NAALADL2: variants seen among roughly 807,000 people sequenced by gnomAD.
NAALADL2 encodes inactive N-acetylated-alpha-linked acidic dipeptidase-like protein 2.
In NAALADL2, 76 loss-of-function variants were observed where a neutral mutation model predicts 87.2. The ratio of observed to expected loss-of-function variants is 0.87; its 90% confidence interval spans 0.72 to 1.05. The LOEUF (loss-of-function observed/expected upper bound fraction) is 1.05. NAALADL2 is among the 50% of genes least tolerant of loss of function. NAALADL2 has a pLI of 0.00. For missense variants in NAALADL2, 1,089 were observed against 945.8 expected, an observed-to-expected ratio of 1.15 and a Z score of -1.99; for synonymous variants, 354 against 331.0, an observed-to-expected ratio of 1.07 and a Z score of -0.75.
At chr3:174,953,738 TTC>T (rs1201539502) in intron 1 of NAALADL2, among the ~76,000 whole-genome samples, 1 of 151,992 alleles carries the variant, frequency 6.6e-6, no homozygotes, top group African/African-American at 2.4e-5. Flanking sequence ...TTGCAAGCTT[TTC>T]CCCGGAGCAG....
At chr3:174,858,312 C>T (rs150295035), upstream of NAALADL2, among the ~76,000 whole-genome samples, 436 of 151,644 alleles carry the variant, frequency 2.9e-3, 3 homozygotes, top group African/African-American at 9.7e-3. Context: ...ATTCTAGGTG[C>T]CTTATGGGGG....
chr3:175,224,213 C>T (rs575648647), intron 2 of NAALADL2, among the ~76,000 whole-genome samples: 8 of 152,054 alleles, frequency 5.3e-5, no homozygotes, highest in East Asian at 3.9e-4. Context: ...GCTTGCTGCC[C>T]GGAGGATATT....
chr3:174,482,105 A>G lies in NAALADL2; in HGVS notation c.-184+41073A>G, dbSNP rs149885064. ...TATCAGTCTCATACCTGCTATATTA[A>G]CTCTTTTCTGTCCAACACCTAATGC... On this transcript the variant is annotated intron_variant, in intron 1 of 3. Coordinates refer to the NAALADL2 transcript ENST00000434257. Among the ~76,000 whole-genome samples the G allele has an allele frequency of 1.4e-3, 215 of 151,910 alleles. 5 individuals are homozygous for G. Among genetic ancestry groups the G allele is most frequent in the East Asian group, 2.1e-3 (11 of 5,146 alleles).
intron 2 of NAALADL2, among the ~76,000 whole-genome samples, chr3:174,634,482 G>A (rs1722439799): frequency 6.6e-6 from 1 of 151,932 alleles, no homozygotes; most frequent in Admixed American, 6.6e-5. Flanking sequence ...CAGTTGAACA[G>A]TTGCATTTGA....
At chr3:175,569,680 G>A (rs1717735804) in intron 9 of NAALADL2, among the ~76,000 whole-genome samples, 1 of 152,022 alleles carries the variant, frequency 6.6e-6, no homozygotes, top group Non-Finnish European at 1.5e-5. Flanking sequence ...ACTGGCATCT[G>A]CAAACCAGGA....
intron 1 of NAALADL2, among the ~76,000 whole-genome samples, chr3:174,907,757 T>G (rs1486976141): frequency 6.6e-6 from 1 of 152,038 alleles, no homozygotes; most frequent in Non-Finnish European, 1.5e-5. Context: ...GGATCTATTG[T>G]GTATAGATGG....
At chr3:174,532,408 T>C (rs961155408) in intron 1 of NAALADL2, among the ~76,000 whole-genome samples, 1 of 152,136 alleles carries the variant, frequency 6.6e-6, no homozygotes, top group Admixed American at 6.5e-5. Flanking sequence ...GTCAGTCTTA[T>C]AAATATTTGA....
At chr3:175,619,272 AG>A (rs879607312) in intron 10 of NAALADL2, among the ~76,000 whole-genome samples, 26,949 of 111,384 alleles carry the variant, frequency 0.24, 2,666 homozygotes, top group African/African-American at 0.31. Flanking sequence ...AGGAAGGAGA[AG>A]GAAAGAAAGA....
At chr3:175,789,115 C>T (rs989381455) in intron 13 of NAALADL2, among the ~76,000 whole-genome samples, 1 of 152,146 alleles carries the variant, frequency 6.6e-6, no homozygotes, top group African/African-American at 2.4e-5. Flanking sequence ...TGTTCAATCA[C>T]TCGCATTTAA....
chr3:175,364,650 A>G lies in NAALADL2; in HGVS notation c.1090+40325A>G, dbSNP rs930666470. Reference sequence around the variant, plus strand: ...TTCCCAAAACACATCTACTCCCACCAGTTCCTTCTTGCCTAAATTAATGGA... The same window carrying G: ...TTCCCAAAACACATCTACTCCCACCGGTTCCTTCTTGCCTAAATTAATGGA... On this transcript the variant is annotated intron_variant, in intron 5 of 13. Coordinates refer to ENST00000454872, the MANE Select transcript of NAALADL2 (RefSeq NM_207015.3). 1.4e-5 allele frequency among the ~76,000 whole-genome samples: 2 copies of G among 147,840 alleles called. 1 individual carries two copies. The highest frequency in any genetic ancestry group is 4.9e-5 in the African/African-American group (2 of 40,742).
chr3:175,791,133 A>G (rs964834842), intron 13 of NAALADL2, among the ~76,000 whole-genome samples: 1 of 152,206 alleles, frequency 6.6e-6, no homozygotes, highest in Non-Finnish European at 1.5e-5. Flanking sequence ...AACATTGTAG[A>G]ATACTTGCTA....
chr3:174,550,899 GT>G (rs1433612351), intron 2 of NAALADL2: 1 of 151,894 alleles, frequency 6.6e-6, no homozygotes, highest in African/African-American at 2.4e-5. Flanking sequence ...ACTGCTATAT[GT>G]TCTCTATATT....
At position 175,097,183 on chromosome 3, in the gene NAALADL2, TACATAC is replaced by T. The variant is rs754013049; in HGVS notation, c.439_444del (p.His147_Thr148del). 1.2e-6 allele frequency: 2 copies of T among 1,613,584 alleles called. No individual in the cohort carries two copies. The highest frequency in any genetic ancestry group is 2.7e-5 in the African/African-American group (2 of 74,930). ...TTTGGGATTTTGATAGGTTATTATG[TACATAC>T]AAATTGCCCTTCAGATGCTCCATCT... On this transcript the variant is annotated inframe_deletion, in exon 2 of 14. Coordinates refer to ENST00000454872, the MANE Select transcript of NAALADL2 (RefSeq NM_207015.3).
intron 11 of NAALADL2, among the ~76,000 whole-genome samples, chr3:175,651,649 A>T (rs1163934281): frequency 2.6e-5 from 4 of 152,220 alleles, no homozygotes; most frequent in Non-Finnish European, 5.9e-5. Context: ...ATTTTAAGGT[A>T]TGAAATTATT....
chr3:174,855,202 C>T (rs181788857), upstream of NAALADL2, among the ~76,000 whole-genome samples: 57 of 152,168 alleles, frequency 3.7e-4, no homozygotes, highest in Admixed American at 3.2e-3. Context: ...CAACACAAAA[C>T]ATGTGAGTAA....
chr3:174,825,382 C>T (rs1721867586), intron 3 of NAALADL2, among the ~76,000 whole-genome samples: 1 of 152,182 alleles, frequency 6.6e-6, no homozygotes, highest in South Asian at 2.1e-4. Context: ...GCTCCCATGT[C>T]CAAGTTAAGA....
intron 9 of NAALADL2, among the ~76,000 whole-genome samples, chr3:175,543,222 A>G (rs1241904735): frequency 6.6e-6 from 1 of 152,162 alleles, no homozygotes; most frequent in African/African-American, 2.4e-5. Flanking sequence ...CATATCTTGC[A>G]AGGCATATGT....
chr3:174,495,289 A>G (rs1364327896), intron 1 of NAALADL2, among the ~76,000 whole-genome samples: 1 of 149,180 alleles, frequency 6.7e-6, no homozygotes, highest in East Asian at 1.9e-4. Context: ...AAACAGCCTT[A>G]CTGCATTCAT....
intron 5 of NAALADL2, among the ~76,000 whole-genome samples, chr3:175,336,334 A>T (rs934492096): frequency 6.6e-6 from 1 of 152,140 alleles, no homozygotes; most frequent in African/African-American, 2.4e-5. Flanking sequence ...AATCTCCCAA[A>T]TGTATCTAAC....
Sources: allele counts gnomAD v4.1 joint callset (sites outside exome capture counted in the v4.1 genomes callset), GRCh38; gene constraint gnomAD v4.1.1; transcripts MANE v1.5; gene names NCBI Gene and HGNC (gene_info 2026-07-23, HGNC 2026-07-21).